TMUB2: variants seen among roughly 807,000 people sequenced by gnomAD.
TMUB2 encodes the protein transmembrane and ubiquitin like domain containing 2.
A neutral mutation model predicts 20.2 loss-of-function variants in TMUB2; 19 were observed. The observed-to-expected ratio is 0.94, with a 90% CI of 0.66 to 1.38. TMUB2 has a LOEUF of 1.38. Among genes scored for constraint, TMUB2 ranks in the 40% most tolerant of loss-of-function variants. TMUB2 has a pLI of 0.00. For synonymous variants in TMUB2, 186 were observed against 166.0 expected (o/e 1.12, Z -0.92); for missense variants, 426 against 402.5 (o/e 1.06, Z -0.50).
At chr17:44,188,958 C>A in intron 2 of TMUB2, 64 bp from the exon 3 acceptor site, 18 of 1,478,628 alleles carry the variant, frequency 1.2e-5, no homozygotes, top group South Asian at 2.8e-5. Flanking sequence ...AGAACCTAAA[C>A]AAACTAGAGA....
chr17:44,187,913 C>A lies in TMUB2; in HGVS notation c.35+170C>A, dbSNP rs181352974. On this transcript the variant is annotated intron_variant, in intron 2 of 3. Transcript: ENST00000538716. ...ATGTTGATGTGTTCCACAGATAATT[C>A]TTTGAGCAACTACTGGGGCATTATA... 209 of 633,778 alleles carry A rather than the reference C, an allele frequency of 3.3e-4. No homozygotes were observed. In the East Asian group the frequency reaches 5.1e-3, roughly 15 times the overall value. 39.3% of individuals were successfully genotyped at this position (633,778 alleles called of 1,614,324 possible).
chr17:44,190,171 CCT>C (rs1325676988), intron 3 of TMUB2: 3 of 213,162 alleles, frequency 1.4e-5, no homozygotes, highest in Admixed American at 5.2e-5. Flanking sequence ...ATGGTGAAAC[CCT>C]GTCTCTACTA....
rs565964821 is a variant in TMUB2, at chr17:44,191,271, G to A, written c.*407G>A. ...CTCAGCATGGCCCCAGCACAACTCC[G>A]TAGGGAGCCTGGAGTATCCTTCCAT... On this transcript the variant is annotated 3_prime_UTR_variant, in exon 4 of 4. Transcript: ENST00000538716. 2.0e-5 allele frequency: 20 copies of A among 1,005,504 alleles called. No individual in the cohort carries two copies. The highest frequency in any genetic ancestry group is 1.9e-4 in the African/African-American group (11 of 57,666). The allele number at this position is 1,005,504 out of a possible 1,614,324, so 62.3% of individuals were successfully genotyped here.
chr17:44,190,681 T>C lies in TMUB2; in HGVS notation c.783T>C (p.Thr261=). Residue 261 remains threonine (T), a synonymous_variant, in exon 4 of 4, where the codon ACT becomes ACC. Transcript: ENST00000538716. The part of the protein sequence containing the change: ...GPSASLAPSA[T]EPPSLGVNVG... ...CAGCCTCCTTGGCCCCCTCGGCCACTGAGCCACCCAGCCTTGGTGTCAATG... is the reference window on the plus strand; with the variant it reads ...CAGCCTCCTTGGCCCCCTCGGCCACCGAGCCACCCAGCCTTGGTGTCAATG... 6.2e-7 allele frequency: 1 copy of C among 1,614,218 alleles called. No homozygotes were observed. Among genetic ancestry groups the C allele is most frequent in the East Asian group, 2.2e-5 (1 of 44,886 alleles).
intron 2 of TMUB2, 191 bp from the exon 3 acceptor site, chr17:44,188,831 G>T: frequency 1.1e-6 from 1 of 931,980 alleles, no homozygotes; most frequent in Non-Finnish European, 1.5e-6. Flanking sequence ...TCACAATAGA[G>T]GCAAAGGGTA....
At position 44,189,406 on chromosome 17, in the gene TMUB2, C is replaced by T. The variant is rs1424416026; in HGVS notation, c.420C>T (p.Ile140=). The change falls in exon 3 of 4, where the codon ATC becomes ATT. Residue 140 remains isoleucine, a synonymous_variant. Coordinates refer to ENST00000538716, the MANE Select transcript of TMUB2 (RefSeq NM_001076674.3). ...VEPSLEHLLD[I]QGLPKRQAGA... Reference sequence around the variant, plus strand: ...CCAGCCTTGAGCATCTCCTTGACATCCAAGGCCTGCCCAAAAGACAAGCAG... The same window carrying T: ...CCAGCCTTGAGCATCTCCTTGACATTCAAGGCCTGCCCAAAAGACAAGCAG... The T allele has an allele frequency of 1.9e-6, 3 of 1,613,884 alleles. No individual in the cohort carries two copies. Among genetic ancestry groups the T allele is most frequent in the Non-Finnish European group, 2.5e-6 (3 of 1,179,904 alleles).
chr17:44,191,515 C>G lies in TMUB2; in HGVS notation c.*651C>G. Reference sequence around the variant, plus strand: ...CTCAGTCAGGAAGGGGATGGGGCACCAAGCCAAGCCCCCAGCATTGGGAGC... The same window carrying G: ...CTCAGTCAGGAAGGGGATGGGGCACGAAGCCAAGCCCCCAGCATTGGGAGC... On this transcript the variant is annotated 3_prime_UTR_variant, in exon 4 of 4. Coordinates refer to ENST00000538716, the MANE Select transcript of TMUB2 (RefSeq NM_001076674.3). 1.0e-6 allele frequency: 1 copy of G among 985,890 alleles called. No homozygotes were observed. The highest frequency in any genetic ancestry group is 1.2e-6 in the Non-Finnish European group (1 of 830,042). 61.1% of individuals were successfully genotyped at this position (985,890 alleles called of 1,614,324 possible).
intron 2 of TMUB2, 41 bp downstream of exon 2, chr17:44,187,784 T>C (rs1383864779): frequency 1.4e-6 from 1 of 718,078 alleles, no homozygotes; most frequent in Non-Finnish European, 2.6e-6. Flanking sequence ...ATGAGAAAGC[T>C]GAGGCTCTGA....
In TMUB2 at chr17:44,189,492, C is replaced by T. The variant is rs372822913; in HGVS notation, c.506C>T (p.Pro169Leu). The change falls in exon 3 of 4, where the codon CCC becomes CTC. Residue 169 changes from proline to leucine, a missense_variant. Physicochemically the swap from Pro to Leu is moderately conservative, Grantham distance 98. Coordinates refer to ENST00000538716, the MANE Select transcript of TMUB2 (RefSeq NM_001076674.3). ...LRSEDSTCLPPSPGLITVRLK... is the reference protein window; with the variant it reads ...LRSEDSTCLPLSPGLITVRLK... ...TCTGAGGATAGCACCTGCCTCCCTC[C>T]CAGCCCTGGCCTCATCACTGTGCGG... is the stretch of plus-strand genomic sequence containing the variant. The T allele has an allele frequency of 6.8e-6, 11 of 1,613,936 alleles. No homozygotes were observed. The African/African-American group carries it at 1.2e-4, about 18-fold the overall frequency.
chr17:44,190,963 G>T lies in TMUB2; in HGVS notation c.*99G>T. 1.3e-6 allele frequency: 2 copies of T among 1,509,130 alleles called. No individual in the cohort carries two copies. The highest frequency in any genetic ancestry group is 1.8e-6 in the Non-Finnish European group (2 of 1,137,282). 93.5% of individuals were successfully genotyped at this position (1,509,130 alleles called of 1,614,324 possible). On this transcript the variant is annotated 3_prime_UTR_variant, in exon 4 of 4. Coordinates refer to ENST00000538716, the MANE Select transcript of TMUB2 (RefSeq NM_001076674.3). ...CCCAAGGGCCGGGGAGGGAGGGGTG[G>T]AAAGGATGTGATGGAAATCTCCTCC...
chr17:44,189,960 G>A lies in TMUB2; in HGVS notation c.602+372G>A, dbSNP rs373340477. On this transcript the variant is annotated intron_variant, in intron 3 of 3. Transcript: ENST00000538716. ...CAGGAGGTGGAGGTTGCAGTGAGCCGAGATTGCGCCACTGCACTCCAGCCT... is the reference window on the plus strand; with the variant it reads ...CAGGAGGTGGAGGTTGCAGTGAGCCAAGATTGCGCCACTGCACTCCAGCCT... 4.9e-4 allele frequency: 88 copies of A among 179,716 alleles called. 2 individuals are homozygous for A. The East Asian group carries it at 0.013, about 26-fold the overall frequency. The allele number at this position is 179,716 out of a possible 1,614,324, so 11.1% of individuals were successfully genotyped here. A position where few individuals can be genotyped will look rare whatever the true frequency, so the allele number is the denominator to read the frequency against.
In TMUB2 at chr17:44,190,674, C is replaced by T. The variant is rs141290597; in HGVS notation, c.776C>T (p.Ser259Leu). Residue 259 changes from serine (S) to leucine (L), a missense_variant, in exon 4 of 4, where the codon TCG (serine) becomes TTG (leucine). Ser to Leu is a moderately radical substitution (Grantham distance 145). Transcript: ENST00000538716. Reference sequence around the variant, plus strand: ...GGCCCCTCAGCCTCCTTGGCCCCCTCGGCCACTGAGCCACCCAGCCTTGGT... The same window carrying T: ...GGCCCCTCAGCCTCCTTGGCCCCCTTGGCCACTGAGCCACCCAGCCTTGGT... ...VPGPSASLAP[S>L]ATEPPSLGVN... is the part of the protein sequence containing the mutation. 1.2e-5 allele frequency: 20 copies of T among 1,614,104 alleles called. No homozygotes were observed. Among genetic ancestry groups the T allele is most frequent in the Middle Eastern group, 1.6e-4 (1 of 6,084 alleles).
In TMUB2 at chr17:44,190,859, C is replaced by T. The variant is rs758577755; in HGVS notation, c.961C>T (p.Arg321Ter). Residue 321 changes from arginine (R) to a stop codon, truncating the protein, a stop_gained, in exon 4 of 4, where the codon CGA becomes TGA. Transcript: ENST00000538716. LOFTEE classifies it high-confidence loss of function. The part of the protein sequence containing the change: ...FSFLVFGMYG[R>*] Reference sequence around the variant, plus strand: ...CTTCCTAGTATTTGGGATGTATGGACGATAAGGACATAGGAAGAAAATGAA... The same window carrying T: ...CTTCCTAGTATTTGGGATGTATGGATGATAAGGACATAGGAAGAAAATGAA... 1.4e-5 allele frequency: 23 copies of T among 1,608,540 alleles called. No individual in the cohort carries two copies. The highest frequency in any genetic ancestry group is 2.2e-5 in the South Asian group (2 of 90,286).
chr17:44,187,963 A>G (rs1372698682), intron 2 of TMUB2: 1 of 566,904 alleles, frequency 1.8e-6, no homozygotes, highest in Non-Finnish European at 3.2e-6. Flanking sequence ...ACCAAGAGAA[A>G]TACATACGAT....
rs376114901 is a variant in TMUB2, at chr17:44,190,868, C to G, written c.*4C>G. 2 of 1,596,878 alleles carry G rather than the reference C, an allele frequency of 1.3e-6. No homozygotes were observed. The highest frequency in any genetic ancestry group is 1.7e-6 in the Non-Finnish European group (2 of 1,170,402). ...ATTTGGGATGTATGGACGATAAGGA[C>G]ATAGGAAGAAAATGAAAGGCATGGT... On this transcript the variant is annotated 3_prime_UTR_variant, in exon 4 of 4. Coordinates refer to ENST00000538716, the MANE Select transcript of TMUB2 (RefSeq NM_001076674.3).
At chr17:44,187,903 A>G in intron 2 of TMUB2, 160 bp downstream of exon 2, 1 of 647,446 alleles carries the variant, frequency 1.5e-6, no homozygotes, top group South Asian at 1.8e-5. Flanking sequence ...GATGTGTTCC[A>G]CAGATAATTC....
At chr17:44,188,552 A>C (rs2054826031) in intron 2 of TMUB2, among the ~76,000 whole-genome samples, 1 of 152,208 alleles carries the variant, frequency 6.6e-6, no homozygotes, top group Admixed American at 6.5e-5. Flanking sequence ...ATGGCTAAAC[A>C]GTGCTTCCAG....
chr17:44,187,366 C>T, intron 1 of TMUB2: 1 of 327,998 alleles, frequency 3.0e-6, no homozygotes, highest in Non-Finnish European at 5.8e-6. Context: ...GGGAATAGGA[C>T]CATCCAAAAG....
intron 3 of TMUB2, 82 bp from the exon 4 acceptor site, chr17:44,190,419 T>C (rs2144381451): frequency 1.0e-6 from 1 of 1,001,798 alleles, no homozygotes. Context: ...TTTTCCCCAC[T>C]CCCCTGCTTT....
Sources: gnomAD v4.1 joint callset for allele counts (sites outside exome capture counted in the v4.1 genomes callset) on GRCh38, gnomAD v4.1.1 for gene constraint, MANE v1.5 for transcripts, NCBI Gene and HGNC (gene_info 2026-07-23, HGNC 2026-07-21) for gene names.